The following ITGB8 variants were observed in gnomAD, a reference collection of about 807,000 sequenced individuals.
The protein encoded by ITGB8 is integrin subunit beta 8.
A neutral mutation model predicts 89.5 loss-of-function variants in ITGB8; 30 were observed. The observed-to-expected ratio is 0.34, with a 90% CI of 0.25 to 0.45. The LOEUF is 0.45. ITGB8 is among the 20% of genes least tolerant of loss of function. ITGB8 has a pLI of 1.00. For missense variants in ITGB8, 836 were observed against 933.3 expected, an observed-to-expected ratio of 0.90 and a Z score of 1.36; for synonymous variants, 335 against 320.4, an observed-to-expected ratio of 1.05 and a Z score of -0.49.
At chr7:20,355,949 CTTCT>C (rs1258852502) in intron 1 of ITGB8, among the ~76,000 whole-genome samples, 1 of 152,208 alleles carries the variant, frequency 6.6e-6, no homozygotes, top group African/African-American at 2.4e-5. Flanking sequence ...ATGACATCTG[CTTCT>C]TTGTCTATTT....
intron 3 of ITGB8, among the ~76,000 whole-genome samples, chr7:20,377,968 T>C (rs894117387): frequency 3.3e-5 from 5 of 152,252 alleles, no homozygotes; most frequent in African/African-American, 9.6e-5. Flanking sequence ...AAATTATGTA[T>C]ACAAATGAAT....
Position 20,342,423 on chromosome 7 carries a change from C to T in ITGB8, c.127+10490C>T, listed in dbSNP as rs1784790954. Among the ~76,000 whole-genome samples, 6 of 152,152 alleles carry T rather than the reference C, an allele frequency of 3.9e-5. No individual in the cohort carries two copies. The South Asian group carries it at 1.2e-3, about 32-fold the overall frequency. On this transcript the variant is annotated intron_variant, in intron 1 of 13. Coordinates refer to ENST00000222573, the MANE Select transcript of ITGB8 (RefSeq NM_002214.3). ...GAATTTGGATTCCCAAAAACATTATCCTTAAAAGTGCAAACTCACCTTTCT... is the reference window on the plus strand; with the variant it reads ...GAATTTGGATTCCCAAAAACATTATTCTTAAAAGTGCAAACTCACCTTTCT...
chr7:20,380,605 A>G, intron 4 of ITGB8, 61 bp from the exon 5 acceptor site: 1 of 1,342,960 alleles, frequency 7.4e-7, no homozygotes, highest in Non-Finnish European at 1.1e-6. Flanking sequence ...TTTACTGTTA[A>G]GTATTCCAGA....
chr7:20,364,351 G>T (rs774749059), intron 2 of ITGB8, among the ~76,000 whole-genome samples: 1 of 152,094 alleles, frequency 6.6e-6, no homozygotes, highest in Admixed American at 6.5e-5. Context: ...CAAACAAACA[G>T]GTCTTTAATG....
At chr7:20,384,772 G>A (rs1786536373) in intron 6 of ITGB8, among the ~76,000 whole-genome samples, 1 of 152,178 alleles carries the variant, frequency 6.6e-6, no homozygotes, top group African/African-American at 2.4e-5. Context: ...TCTTATGAAA[G>A]TATAACCAGA....
intron 1 of ITGB8, among the ~76,000 whole-genome samples, chr7:20,341,276 G>A (rs1784746184): frequency 6.6e-6 from 1 of 152,074 alleles, no homozygotes; most frequent in South Asian, 2.1e-4. Context: ...TGACAGATGG[G>A]GCACAATTTC....
intron 6 of ITGB8, among the ~76,000 whole-genome samples, chr7:20,390,391 T>C (rs948800999): frequency 3.9e-5 from 6 of 152,080 alleles, no homozygotes; most frequent in Non-Finnish European, 8.8e-5. Context: ...AGAGTATTTA[T>C]AGAAAAAATA....
chr7:20,347,602 G>C (rs371608893), intron 1 of ITGB8, among the ~76,000 whole-genome samples: 1 of 152,180 alleles, frequency 6.6e-6, no homozygotes, highest in Non-Finnish European at 1.5e-5. Context: ...GAATAGATGG[G>C]AAAATAATGT....
rs575472301 is a variant in ITGB8, at chr7:20,349,640, G to A, written c.128-13997G>A. On this transcript the variant is annotated intron_variant, in intron 1 of 13. Coordinates refer to ENST00000222573, the MANE Select transcript of ITGB8 (RefSeq NM_002214.3). Reference sequence around the variant, plus strand: ...ATGTAAATCAAATGCCGTATATGCCGTATAGGGATAAACAACTTTAACCAC... The same window carrying A: ...ATGTAAATCAAATGCCGTATATGCCATATAGGGATAAACAACTTTAACCAC... 2.6e-5 allele frequency among the ~76,000 whole-genome samples: 4 copies of A among 152,160 alleles called. No individual in the cohort carries two copies. In the South Asian group the frequency reaches 6.2e-4, roughly 24 times the overall value.
intron 6 of ITGB8, among the ~76,000 whole-genome samples, chr7:20,385,440 C>A (rs1405184354): frequency 6.6e-6 from 1 of 152,148 alleles, no homozygotes; most frequent in East Asian, 1.9e-4. Context: ...GATTCTTTAT[C>A]CCTCCTATCA....
intron 8 of ITGB8, among the ~76,000 whole-genome samples, chr7:20,398,637 G>C (rs375204326): frequency 2.0e-5 from 3 of 152,062 alleles, no homozygotes; most frequent in East Asian, 3.8e-4. Context: ...AAAAAAAATA[G>C]AACAATTTGA....
chr7:20,386,405 A>ATTTTTTTTTT (rs759304002), intron 6 of ITGB8, among the ~76,000 whole-genome samples: 3 of 80,366 alleles, frequency 3.7e-5, no homozygotes, highest in Non-Finnish European at 6.7e-5. Context: ...CACCTGGCTA[A>ATTTTTTTTTT]TTTTTTTTTT....
chr7:20,383,640 C>T (rs1786491268), intron 6 of ITGB8, among the ~76,000 whole-genome samples: 1 of 152,084 alleles, frequency 6.6e-6, no homozygotes, highest in Admixed American at 6.5e-5. Flanking sequence ...TAAAAGGATA[C>T]TATTGCTCAT....
intron 3 of ITGB8, among the ~76,000 whole-genome samples, chr7:20,370,596 CTTATTTATTA>C (rs1473327783): frequency 2.2e-5 from 3 of 136,616 alleles, no homozygotes; most frequent in African/African-American, 8.2e-5. Flanking sequence ...TATTTATTTA[CTTATTTATTA>C]TTATTATTAT....
chr7:20,383,483 G>A (rs995167279), intron 6 of ITGB8, among the ~76,000 whole-genome samples: 2 of 152,164 alleles, frequency 1.3e-5, no homozygotes, highest in African/African-American at 2.4e-5. Flanking sequence ...GGGAGTAGGA[G>A]AGGGTACAGG....
rs188652482 is a variant in ITGB8, at chr7:20,396,506, T to G, written c.1146+1521T>G. ...GGAAAATAAATCTTGCTTGATTTGTTTTCACTGAGGATAGTTTTCTATGTC... is the reference window on the plus strand; with the variant it reads ...GGAAAATAAATCTTGCTTGATTTGTGTTCACTGAGGATAGTTTTCTATGTC... On this transcript the variant is annotated intron_variant, in intron 8 of 13. Transcript: ENST00000222573. Among the ~76,000 whole-genome samples, 24 of 152,322 alleles carry G rather than the reference T, an allele frequency of 1.6e-4. No individual in the cohort carries two copies. The East Asian group carries it at 2.9e-3, about 18-fold the overall frequency.
intron 7 of ITGB8, among the ~76,000 whole-genome samples, chr7:20,393,281 A>G (rs906968806): frequency 6.6e-6 from 1 of 152,266 alleles, no homozygotes; most frequent in Non-Finnish European, 1.5e-5. Flanking sequence ...CTGATAAACC[A>G]TAAAACCAGG....
rs377548967 is a variant in ITGB8 at position 20,394,019 on chromosome 7, C to A, written c.1057-877C>A. Among the ~76,000 whole-genome samples the A allele has an allele frequency of 8.5e-5, 13 of 152,156 alleles. 1 individual carries two copies. Among genetic ancestry groups the A allele is most frequent in the African/African-American group, 2.9e-4 (12 of 41,516 alleles). On this transcript the variant is annotated intron_variant, in intron 7 of 13. Coordinates refer to ENST00000222573, the MANE Select transcript of ITGB8 (RefSeq NM_002214.3). ...TATGTGACCTAGTGATTTGGCATCT[C>A]CAAAGTGTATAAAGTAGGAGCTCAA...
chr7:20,386,581 T>C (rs1786636145), intron 6 of ITGB8, among the ~76,000 whole-genome samples: 1 of 151,942 alleles, frequency 6.6e-6, no homozygotes, highest in Admixed American at 6.6e-5. Context: ...ATAGTAATTT[T>C]ATAGGAGAAC....
Sources: allele counts gnomAD v4.1 joint callset (sites outside exome capture counted in the v4.1 genomes callset), GRCh38; gene constraint gnomAD v4.1.1; transcripts MANE v1.5; gene names NCBI Gene and HGNC (gene_info 2026-07-23, HGNC 2026-07-21).